The following FBXO11 variants were observed in gnomAD, a reference collection of about 807,000 sequenced individuals.
FBXO11 encodes F-box protein 11, also known as F-box only protein 11.
FBXO11 carries 13 observed loss-of-function variants against 117.0 expected under a neutral mutation model. The ratio of observed to expected loss-of-function variants is 0.11; its 90% CI spans 0.07 to 0.18. The LOEUF (loss-of-function observed/expected upper bound fraction) is 0.18, where lower values mean the gene tolerates loss of function less well. Ranked by LOEUF, FBXO11 falls within the 10% of genes least tolerant of loss-of-function variation. The pLI is 1.00. For synonymous variants in FBXO11, 490 were observed against 380.5 expected (o/e 1.29, Z -3.35); for missense variants, 767 against 1,164.4 (o/e 0.66, Z 4.97).
chr2:47,897,291 T>C (rs981743260), intron 1 of FBXO11, among the ~76,000 whole-genome samples: 2 of 152,030 alleles, frequency 1.3e-5, no homozygotes, highest in Non-Finnish European at 2.9e-5. Context: ...CCAAGTAGAG[T>C]TGGCAAATCA....
chr2:47,861,487 T>G (rs1674771711), intron 1 of FBXO11, among the ~76,000 whole-genome samples: 2 of 152,018 alleles, frequency 1.3e-5, no homozygotes, highest in South Asian at 2.1e-4. Flanking sequence ...CCCAGCTAAT[T>G]AAAAAAATTT....
chr2:47,843,481 T>C (rs752971140), intron 1 of FBXO11, among the ~76,000 whole-genome samples: 7 of 151,752 alleles, frequency 4.6e-5, no homozygotes, highest in Non-Finnish European at 8.8e-5. Flanking sequence ...TTTGAGACAA[T>C]ATTATTTGGA....
rs553954928 is a variant in FBXO11 at position 47,809,078 on chromosome 2, G to C, written c.2555+80C>G. 4 of 862,632 alleles carry C rather than the reference G, an allele frequency of 4.6e-6. No homozygotes were observed. The African/African-American group carries it at 6.9e-5, about 15-fold the overall frequency. 53.4% of individuals were successfully genotyped at this position (862,632 alleles called of 1,614,324 possible). A position where few individuals can be genotyped will look rare whatever the true frequency, so the allele number is the denominator to read the frequency against. The stretch of plus-strand genomic sequence containing the variant: ...GTTATAGTCTCAACACCGGCAAATA[G>C]CCAAAAATGCTAGGCATTGCTAATT... On this transcript the variant is annotated intron_variant, in intron 21 of 22. Transcript: ENST00000403359.
chr2:47,845,626 A>ATACCTTACTAT (rs1673350771), intron 1 of FBXO11, among the ~76,000 whole-genome samples: 1 of 152,204 alleles, frequency 6.6e-6, no homozygotes, highest in African/African-American at 2.4e-5. Flanking sequence ...TATACCGTAT[A>ATACCTTACTAT]TACCTTACTA....
chr2:47,895,687 T>C (rs1677604495), intron 1 of FBXO11, among the ~76,000 whole-genome samples: 1 of 152,198 alleles, frequency 6.6e-6, no homozygotes, highest in Middle Eastern at 3.2e-3. Context: ...AATAACTATA[T>C]AGTTTATGTT....
chr2:47,873,314 C>T (rs928617793), intron 1 of FBXO11, among the ~76,000 whole-genome samples: 6 of 152,220 alleles, frequency 3.9e-5, no homozygotes, highest in African/African-American at 7.2e-5. Context: ...CTCAGCTTTC[C>T]GCCTTGATGG....
intron 1 of FBXO11, among the ~76,000 whole-genome samples, chr2:47,851,945 T>C (rs1010452780): frequency 6.6e-6 from 1 of 152,130 alleles, no homozygotes; most frequent in African/African-American, 2.4e-5. Flanking sequence ...GCGTCTATCT[T>C]GGGCAGGGGC....
intron 13 of FBXO11, among the ~76,000 whole-genome samples, chr2:47,821,190 G>A (rs1671351779): frequency 6.6e-6 from 1 of 152,172 alleles, no homozygotes. Flanking sequence ...TAAGCATTTA[G>A]GCCAGGCGTG....
At chr2:47,832,919 G>C (rs777175076) in intron 8 of FBXO11, 39 bp from the exon 9 acceptor site, 35 of 1,602,726 alleles carry the variant, frequency 2.2e-5, no homozygotes, top group Non-Finnish European at 2.9e-5. Context: ...AACAATTACT[G>C]CCTTTATGAT....
At chr2:47,834,013 TTTAA>T (rs1450772860) in intron 7 of FBXO11, among the ~76,000 whole-genome samples, 1 of 152,138 alleles carries the variant, frequency 6.6e-6, no homozygotes, top group Non-Finnish European at 1.5e-5. Flanking sequence ...TTTTTCTTCG[TTTAA>T]TGAATAACTC....
intron 1 of FBXO11, among the ~76,000 whole-genome samples, chr2:47,876,704 G>A (rs1002032671): frequency 1.3e-5 from 2 of 152,074 alleles, no homozygotes; most frequent in Non-Finnish European, 2.9e-5. Context: ...TCACTTTTGA[G>A]CATCTAGAAG....
At chr2:47,809,292 A>C in intron 20 of FBXO11, 26 bp from the exon 21 acceptor site, 1 of 1,390,436 alleles carries the variant, frequency 7.2e-7, no homozygotes, top group Non-Finnish European at 1.0e-6. Context: ...GAATAAGTAA[A>C]AATTCAGAGG....
chr2:47,865,803 G>C (rs1675151744), intron 1 of FBXO11: 1 of 152,164 alleles, frequency 6.6e-6, no homozygotes, highest in African/African-American at 2.4e-5. Context: ...ATATGATTGT[G>C]GGCAGACACT....
At chr2:47,852,926 G>C (rs1294222573) in intron 1 of FBXO11, among the ~76,000 whole-genome samples, 3 of 152,102 alleles carry the variant, frequency 2.0e-5, no homozygotes, top group Non-Finnish European at 4.4e-5. Flanking sequence ...TAAATCACAT[G>C]GGTAAGCTCC....
chr2:47,821,476 G>T (rs1260751419), intron 13 of FBXO11, among the ~76,000 whole-genome samples: 1 of 152,140 alleles, frequency 6.6e-6, no homozygotes, highest in Non-Finnish European at 1.5e-5. Flanking sequence ...CGGGCGTGGT[G>T]GCGGGCGCCT....
At chr2:47,836,943 G>T in intron 4 of FBXO11, 1 of 370,970 alleles carries the variant, frequency 2.7e-6, no homozygotes, top group Admixed American at 3.4e-5. Flanking sequence ...CCAGTATGTT[G>T]CCCAGGCTGG....
At chr2:47,813,180 T>A in intron 18 of FBXO11, 54 bp downstream of exon 18, 2 of 1,533,414 alleles carry the variant, frequency 1.3e-6, no homozygotes, top group Non-Finnish European at 1.8e-6. Flanking sequence ...ATTAAAGATA[T>A]GGAAGAATAA....
chr2:47,853,497 T>C (rs1190947515), intron 1 of FBXO11, among the ~76,000 whole-genome samples: 1 of 152,188 alleles, frequency 6.6e-6, no homozygotes, highest in Non-Finnish European at 1.5e-5. Context: ...TTTAGTATTG[T>C]AAATAGTAGT....
At position 47,904,352 on chromosome 2, in the gene FBXO11, G is replaced by A. The variant is rs530671771; in HGVS notation, c.232+1137C>T. 5.3e-5 allele frequency among the ~76,000 whole-genome samples: 8 copies of A among 152,214 alleles called. No individual in the cohort carries two copies. In the South Asian group the frequency reaches 1.2e-3, roughly 24 times the overall value. The stretch of plus-strand genomic sequence containing the variant: ...CTACTGCGAACAGCTAATTAATAAA[G>A]AGAATGGTTATGTTTGGAGACCAAG... On this transcript the variant is annotated intron_variant, in intron 1 of 22. Transcript: ENST00000403359.
Sources: allele counts gnomAD v4.1 joint callset (sites outside exome capture counted in the v4.1 genomes callset), GRCh38; gene constraint gnomAD v4.1.1; transcripts MANE v1.5; gene names NCBI Gene and HGNC (gene_info 2026-07-23, HGNC 2026-07-21).